POU6F2: variants seen among roughly 807,000 people sequenced by gnomAD.
The protein encoded by POU6F2 is POU domain, class 6, transcription factor 2.
Under a neutral mutation model 71.3 loss-of-function variants are expected in POU6F2, and 31 were observed. The ratio of observed to expected loss-of-function variants is 0.43; its 90% CI spans 0.33 to 0.59. The LOEUF is 0.59. Ranked by LOEUF, POU6F2 falls within the 20% of genes least tolerant of loss-of-function variation. The probability of loss-of-function intolerance (pLI) is 0.04; values close to 1 mark genes in which losing one functional copy is unlikely to be tolerated. For synonymous variants in POU6F2, 347 were observed against 355.7 expected, an observed-to-expected ratio of 0.98 and a Z score of 0.27; for missense variants, 783 against 856.8, an observed-to-expected ratio of 0.91 and a Z score of 1.07.
intron 5 of POU6F2, chr7:39,404,851 G>A (rs572401716): frequency 6.6e-6 from 1 of 151,704 alleles, no homozygotes; most frequent in Non-Finnish European, 1.5e-5. Flanking sequence ...TACAAACAAG[G>A]AGAGTTACTT....
At chr7:39,224,139 A>C (rs1189925647) in intron 4 of POU6F2, among the ~76,000 whole-genome samples, 1 of 152,160 alleles carries the variant, frequency 6.6e-6, no homozygotes, top group African/African-American at 2.4e-5. Context: ...CTCAAAAGAA[A>C]AGAATTGGTG....
intron 2 of POU6F2, among the ~76,000 whole-genome samples, chr7:39,154,329 G>A (rs1792820509): frequency 6.6e-6 from 1 of 151,988 alleles, no homozygotes; most frequent in African/African-American, 2.4e-5. Context: ...TAGGACCCCG[G>A]TATATAAGCT....
intron 4 of POU6F2, among the ~76,000 whole-genome samples, chr7:39,215,405 A>G (rs1382551248): frequency 6.6e-6 from 1 of 152,196 alleles, no homozygotes; most frequent in African/African-American, 2.4e-5. Flanking sequence ...TTAATAGAAA[A>G]AGAAAAAACC....
intron 2 of POU6F2, among the ~76,000 whole-genome samples, chr7:39,142,307 G>A (rs532353306): frequency 6.6e-6 from 1 of 152,126 alleles, no homozygotes; most frequent in East Asian, 1.9e-4. Context: ...ATTGTTCTCA[G>A]AACATTATAC....
At chr7:39,443,375 G>A (rs753881362) in intron 7 of POU6F2, among the ~76,000 whole-genome samples, 4 of 152,176 alleles carry the variant, frequency 2.6e-5, no homozygotes, top group East Asian at 1.9e-4. Context: ...ACACGTGAGC[G>A]CAGCGGAAAA....
chr7:39,440,983 C>T (rs1788389409), intron 7 of POU6F2, among the ~76,000 whole-genome samples: 2 of 152,082 alleles, frequency 1.3e-5, no homozygotes, highest in African/African-American at 4.8e-5. Context: ...GGGAGGTTCA[C>T]TTCAGGCCCT....
intron 1 of POU6F2, among the ~76,000 whole-genome samples, chr7:39,084,139 T>C (rs1242370083): frequency 6.6e-6 from 1 of 152,224 alleles, no homozygotes; most frequent in Non-Finnish European, 1.5e-5. Flanking sequence ...CTTGCTTTTT[T>C]ATTTATCCTG....
chr7:39,244,021 G>A (rs1783774261), intron 4 of POU6F2, among the ~76,000 whole-genome samples: 1 of 152,044 alleles, frequency 6.6e-6, no homozygotes, highest in African/African-American at 2.4e-5. Context: ...TCCATTAATG[G>A]CAGTCTTTCC....
chr7:39,245,493 GA>G (rs1783804795), intron 4 of POU6F2, among the ~76,000 whole-genome samples: 1 of 152,114 alleles, frequency 6.6e-6, no homozygotes, highest in Non-Finnish European at 1.5e-5. Flanking sequence ...CAGTTAGAAA[GA>G]AAATCTTATT....
chr7:39,049,173 G>GT (rs991287760), intron 1 of POU6F2, among the ~76,000 whole-genome samples: 13 of 151,276 alleles, frequency 8.6e-5, no homozygotes, highest in East Asian at 7.8e-4. Context: ...TATTTTCTAT[G>GT]TTTTTTTCTA....
rs545837133 is a variant in POU6F2, at chr7:39,264,835, G to T, written c.598+57215G>T. On this transcript the variant is annotated intron_variant, in intron 4 of 9. Transcript: ENST00000518318. ...ACATATGTATGTGTGTGTGGAGACG[G>T]CTAATATATATACTCCCTGCATACC... is the stretch of plus-strand genomic sequence containing the variant. Among the ~76,000 whole-genome samples, 25 of 152,012 alleles carry T rather than the reference G, an allele frequency of 1.6e-4. 1 individual carries two copies. The highest frequency in any genetic ancestry group is 8.3e-4 in the South Asian group (4 of 4,820).
At chr7:39,191,982 T>C (rs1029044204) in intron 2 of POU6F2, among the ~76,000 whole-genome samples, 1 of 152,248 alleles carries the variant, frequency 6.6e-6, no homozygotes, top group Non-Finnish European at 1.5e-5. Flanking sequence ...TTTCATATTC[T>C]AGATCTACTT....
chr7:39,310,522 T>A (rs1016397736), intron 4 of POU6F2, among the ~76,000 whole-genome samples: 1 of 152,184 alleles, frequency 6.6e-6, no homozygotes, highest in Non-Finnish European at 1.5e-5. Context: ...AAAACATTTG[T>A]CATTGGTTTA....
chr7:39,060,065 G>A (rs569584708), intron 1 of POU6F2, among the ~76,000 whole-genome samples: 2 of 152,110 alleles, frequency 1.3e-5, no homozygotes, highest in East Asian at 1.9e-4. Context: ...AAAATTAGCC[G>A]GGCGCGGTGG....
intron 4 of POU6F2, among the ~76,000 whole-genome samples, chr7:39,287,741 T>A (rs995065181): frequency 6.6e-6 from 1 of 152,172 alleles, no homozygotes; most frequent in African/African-American, 2.4e-5. Context: ...TACTCCAAGA[T>A]CACCTGGAAG....
intron 1 of POU6F2, among the ~76,000 whole-genome samples, chr7:39,035,621 G>A (rs888600111): frequency 6.6e-6 from 1 of 152,038 alleles, no homozygotes; most frequent in African/African-American, 2.4e-5. Flanking sequence ...ATAGCTGAAT[G>A]GGATTCCCAG....
At chr7:39,416,824 AAAG>A (rs1345145566) in intron 6 of POU6F2, among the ~76,000 whole-genome samples, 5 of 152,338 alleles carry the variant, frequency 3.3e-5, no homozygotes, top group South Asian at 2.1e-4. Flanking sequence ...TAAAAAAAAA[AAAG>A]AAGTTATCAT....
intron 4 of POU6F2, 41 bp from the exon 5 acceptor site, chr7:39,339,601 G>A: frequency 2.6e-6 from 4 of 1,543,222 alleles, no homozygotes; most frequent in Non-Finnish European, 3.5e-6. Flanking sequence ...AAGACACTTT[G>A]TCATGTTATC....
intron 5 of POU6F2, among the ~76,000 whole-genome samples, chr7:39,376,475 A>C (rs893386666): frequency 6.6e-6 from 1 of 152,224 alleles, no homozygotes; most frequent in Non-Finnish European, 1.5e-5. Flanking sequence ...AGGGAATCTT[A>C]GTGCTGGCTC....
Sources: gnomAD v4.1 joint callset for allele counts (sites outside exome capture counted in the v4.1 genomes callset) on GRCh38, gnomAD v4.1.1 for gene constraint, MANE v1.5 for transcripts, NCBI Gene and HGNC (gene_info 2026-07-23, HGNC 2026-07-21) for gene names.